Variants in KCNQ3 observed in about 807,000 individuals in gnomAD.
The protein encoded by KCNQ3 is potassium voltage-gated channel subfamily KQT member 3.
In KCNQ3, 30 loss-of-function variants were observed where a neutral mutation model predicts 92.5. That is an observed-to-expected ratio of 0.32 (90% CI 0.24 to 0.44). KCNQ3 has a LOEUF of 0.44. Ranked by LOEUF, KCNQ3 falls within the 20% of genes least tolerant of loss-of-function variation. The pLI is 1.00. For missense variants in KCNQ3, 913 were observed against 1,140.3 expected (o/e 0.80, Z 2.87); for synonymous variants, 450 against 468.8 (o/e 0.96, Z 0.52).
At chr8:132,375,950 G>C (rs1410540228) in intron 1 of KCNQ3, among the ~76,000 whole-genome samples, 1 of 152,104 alleles carries the variant, frequency 6.6e-6, no homozygotes, top group African/African-American at 2.4e-5. Context: ...TAGAAATCTG[G>C]GTCTCATTTA....
At chr8:132,331,875 C>A (rs540676644) in intron 1 of KCNQ3, among the ~76,000 whole-genome samples, 4 of 152,248 alleles carry the variant, frequency 2.6e-5, no homozygotes, top group Admixed American at 1.3e-4. Flanking sequence ...CGAAGCAGTC[C>A]AGAAGTCTCA....
intron 1 of KCNQ3, among the ~76,000 whole-genome samples, chr8:132,436,813 C>T (rs1429156849): frequency 1.3e-5 from 2 of 152,072 alleles, no homozygotes; most frequent in African/African-American, 4.8e-5. Context: ...GGTTAGTTCT[C>T]CCTGGGCTCA....
intron 5 of KCNQ3, 31 bp from the exon 6 acceptor site, chr8:132,174,380 C>A (rs1459671840): frequency 1.4e-6 from 2 of 1,466,096 alleles, no homozygotes; most frequent in East Asian, 4.9e-5. Context: ...ACATGGAGTA[C>A]CACATGGAGA....
chr8:132,442,980 C>G (rs952869350), intron 1 of KCNQ3, among the ~76,000 whole-genome samples: 2 of 152,216 alleles, frequency 1.3e-5, no homozygotes, highest in African/African-American at 4.8e-5. Flanking sequence ...CAGAGACAGG[C>G]TCCTGAGGCC....
At chr8:132,345,807 A>G (rs543555511) in intron 1 of KCNQ3, among the ~76,000 whole-genome samples, 66 of 152,330 alleles carry the variant, frequency 4.3e-4, no homozygotes, top group African/African-American at 1.4e-3. Flanking sequence ...TACATTAACA[A>G]TGATGATGAG....
chr8:132,283,003 A>G (rs768079619), intron 1 of KCNQ3, among the ~76,000 whole-genome samples: 3 of 152,114 alleles, frequency 2.0e-5, no homozygotes, highest in Admixed American at 6.6e-5. Context: ...AGAAAGGAAG[A>G]CAGTGGCTGG....
chr8:132,390,774 T>C (rs1820030144), intron 1 of KCNQ3, among the ~76,000 whole-genome samples: 1 of 152,200 alleles, frequency 6.6e-6, no homozygotes, highest in Admixed American at 6.5e-5. Flanking sequence ...GTTTGGAGTA[T>C]TTACCGGCAC....
chr8:132,252,886 C>G (rs78675808), intron 1 of KCNQ3, among the ~76,000 whole-genome samples: 1 of 152,196 alleles, frequency 6.6e-6, no homozygotes, highest in South Asian at 2.1e-4. Flanking sequence ...CTATCCATCA[C>G]AGCATATAGA....
chr8:132,420,416 C>A (rs1288945978), intron 1 of KCNQ3, among the ~76,000 whole-genome samples: 1 of 152,168 alleles, frequency 6.6e-6, no homozygotes, highest in East Asian at 1.9e-4. Context: ...GGTCCATCCA[C>A]CTTCTGGGCT....
chr8:132,292,671 C>T (rs747869954), intron 1 of KCNQ3, among the ~76,000 whole-genome samples: 7 of 152,258 alleles, frequency 4.6e-5, no homozygotes, highest in Non-Finnish European at 8.8e-5. Flanking sequence ...CAAGGGCACT[C>T]GTGTGGTGTT....
intron 1 of KCNQ3, among the ~76,000 whole-genome samples, chr8:132,331,007 T>C (rs1372399081): frequency 6.6e-6 from 1 of 152,142 alleles, no homozygotes; most frequent in Admixed American, 6.5e-5. Flanking sequence ...AACCTGAATG[T>C]TCCCATTTGT....
rs564383598 is a variant in KCNQ3, at chr8:132,273,726, T to C, written c.387-87545A>G. Among the ~76,000 whole-genome samples, 3 of 152,324 alleles carry C rather than the reference T, an allele frequency of 2.0e-5. No individual in the cohort carries two copies. The South Asian group carries it at 6.2e-4, about 32-fold the overall frequency. ...TCTTTAACAGCACCCAGTTCACCTT[T>C]TGAATGCTTTGCTGCTTACAAATTT... On this transcript the variant is annotated intron_variant, in intron 1 of 14. Coordinates refer to ENST00000388996, the MANE Select transcript of KCNQ3 (RefSeq NM_004519.4).
At chr8:132,310,585 G>A (rs1336316865) in intron 1 of KCNQ3, among the ~76,000 whole-genome samples, 1 of 152,174 alleles carries the variant, frequency 6.6e-6, no homozygotes, top group African/African-American at 2.4e-5. Flanking sequence ...CCTGTAAAAT[G>A]AGCCGTCAAA....
chr8:132,295,871 C>T lies in KCNQ3; in HGVS notation c.387-109690G>A, dbSNP rs558069160. Among the ~76,000 whole-genome samples, 14 of 151,800 alleles carry T rather than the reference C, an allele frequency of 9.2e-5. No homozygotes were observed. The South Asian group carries it at 2.3e-3, about 25-fold the overall frequency. On this transcript the variant is annotated intron_variant, in intron 1 of 14. Transcript: ENST00000388996. ...ACACAGGGAGGGGAACAACATGCATCGGGGCCTGTTGTGGGGGTGGGAAGG... is the reference window on the plus strand; with the variant it reads ...ACACAGGGAGGGGAACAACATGCATTGGGGCCTGTTGTGGGGGTGGGAAGG...
chr8:132,479,979 C>T (rs979419625), intron 1 of KCNQ3, among the ~76,000 whole-genome samples, 168 bp downstream of exon 1: 16 of 151,992 alleles, frequency 1.1e-4, no homozygotes, highest in African/African-American at 3.9e-4. Flanking sequence ...CACACACACA[C>T]ACACACACAC....
chr8:132,267,218 C>T (rs906644439), intron 1 of KCNQ3, among the ~76,000 whole-genome samples: 15 of 152,082 alleles, frequency 9.9e-5, no homozygotes, highest in Non-Finnish European at 1.6e-4. Context: ...GAAAAACTGG[C>T]AAAGAAAAAA....
intron 9 of KCNQ3, among the ~76,000 whole-genome samples, chr8:132,144,519 G>A (rs1043445604): frequency 1.3e-5 from 2 of 152,182 alleles, no homozygotes; most frequent in African/African-American, 2.4e-5. Context: ...TTCTTCGAAA[G>A]CTAGGGCTCT....
intron 4 of KCNQ3, 135 bp from the exon 5 acceptor site, chr8:132,175,743 T>C: frequency 1.3e-6 from 1 of 783,922 alleles, no homozygotes; most frequent in South Asian, 1.5e-5. Flanking sequence ...CCTTCTCTGA[T>C]CTTCATCTTC....
At chr8:132,451,439 G>A (rs1388570834) in intron 1 of KCNQ3, among the ~76,000 whole-genome samples, 6 of 152,330 alleles carry the variant, frequency 3.9e-5, no homozygotes, top group Admixed American at 6.5e-5. Context: ...ACGGGCAGAC[G>A]TTATCCTGTC....
Sources: gnomAD v4.1 joint callset for allele counts (sites outside exome capture counted in the v4.1 genomes callset) on GRCh38, gnomAD v4.1.1 for gene constraint, MANE v1.5 for transcripts, NCBI Gene and HGNC (gene_info 2026-07-23, HGNC 2026-07-21) for gene names.